The following ROBO2 variants were observed in gnomAD, a reference collection of about 807,000 sequenced individuals.
ROBO2 encodes roundabout homolog 2.
A neutral mutation model predicts 160.8 loss-of-function variants in ROBO2; 53 were observed. That is an observed-to-expected ratio of 0.33 (90% CI 0.26 to 0.41). The LOEUF is 0.41. Among genes scored for constraint, ROBO2 ranks in the 10% least tolerant of loss-of-function variants. The pLI is 1.00. For missense variants in ROBO2, 1,577 were observed against 1,722.4 expected (o/e 0.92, Z 1.49); for synonymous variants, 664 against 611.7 (o/e 1.09, Z -1.26).
chr3:77,509,177 T>C (rs2089024143), intron 5 of ROBO2, among the ~76,000 whole-genome samples: 1 of 151,740 alleles, frequency 6.6e-6, no homozygotes, highest in Non-Finnish European at 1.5e-5. Flanking sequence ...GCTCCTCCGG[T>C]GCCATCTCTG....
chr3:76,371,537 G>A (rs1017440012), intron 2 of ROBO2, among the ~76,000 whole-genome samples: 1 of 151,758 alleles, frequency 6.6e-6, no homozygotes, highest in African/African-American at 2.4e-5. Flanking sequence ...TGCACATACT[G>A]TATTGACTGC....
intron 2 of ROBO2, among the ~76,000 whole-genome samples, chr3:76,890,639 T>C (rs1429570491): frequency 6.6e-6 from 1 of 152,180 alleles, no homozygotes; most frequent in East Asian, 1.9e-4. Context: ...ATCCAATAAT[T>C]TTTCTATCGT....
At chr3:76,495,554 T>A (rs1281760477) in intron 2 of ROBO2, among the ~76,000 whole-genome samples, 1 of 151,980 alleles carries the variant, frequency 6.6e-6, no homozygotes, top group East Asian at 1.9e-4. Context: ...TAGGTATTAT[T>A]TTTGTTCTGG....
chr3:76,064,616 T>A (rs2068188783), intron 2 of ROBO2, among the ~76,000 whole-genome samples: 1 of 152,202 alleles, frequency 6.6e-6, no homozygotes, highest in East Asian at 1.9e-4. Context: ...ATAATTACTT[T>A]TATTCCTTTA....
At chr3:76,371,486 G>A (rs902143448) in intron 2 of ROBO2, among the ~76,000 whole-genome samples, 1 of 151,594 alleles carries the variant, frequency 6.6e-6, no homozygotes, top group African/African-American at 2.4e-5. Flanking sequence ...AAGTGAAAGG[G>A]TATTTACAAT....
rs2058427804 is a variant in ROBO2, at chr3:77,256,541, AT to A, written c.388+158202del. On this transcript the variant is annotated intron_variant, in intron 2 of 25. Transcript: ENST00000461745. ...ATGTGAAAACTATAAACAAAAAAAA[AT>A]CTCTTTTATTCAGCAGAAACATCTT... Among the ~76,000 whole-genome samples the A allele has an allele frequency of 2.0e-5, 3 of 151,622 alleles. No homozygotes were observed. In the South Asian group the frequency reaches 6.2e-4, roughly 32 times the overall value.
intron 2 of ROBO2, among the ~76,000 whole-genome samples, chr3:77,432,153 A>G (rs908816798): frequency 2.0e-5 from 3 of 152,232 alleles, no homozygotes; most frequent in Non-Finnish European, 2.9e-5. Flanking sequence ...GTTAATAAAC[A>G]TAGTAAGAAT....
rs1705791295 is a variant in ROBO2, at chr3:76,248,683, C to G, written c.109+311081C>G. 4.0e-5 allele frequency among the ~76,000 whole-genome samples: 6 copies of G among 151,628 alleles called. No individual in the cohort carries two copies. In the South Asian group the frequency reaches 1.3e-3, roughly 32 times the overall value. On this transcript the variant is annotated intron_variant, in intron 2 of 26. Transcript: ENST00000487694. ...CTTAAAAAAAAAAAAAGAAATTCTT[C>G]CAGACTTTCATAATCTAAAATGATC...
At chr3:77,490,219 G>C (rs1161466978) in intron 4 of ROBO2, among the ~76,000 whole-genome samples, 2 of 150,408 alleles carry the variant, frequency 1.3e-5, no homozygotes, top group Non-Finnish European at 2.9e-5. Flanking sequence ...TCCTGCCTCA[G>C]CCTCCCGAGT....
intron 2 of ROBO2, among the ~76,000 whole-genome samples, chr3:77,124,097 C>G (rs1251779904): frequency 6.6e-6 from 1 of 151,690 alleles, no homozygotes; most frequent in East Asian, 1.9e-4. Flanking sequence ...ATCCCAGTGC[C>G]CAGTGTCTAG....
At chr3:76,653,158 T>A (rs925626919) in intron 2 of ROBO2, among the ~76,000 whole-genome samples, 3 of 152,026 alleles carry the variant, frequency 2.0e-5, no homozygotes, top group African/African-American at 7.2e-5. Flanking sequence ...TAGGTCAACA[T>A]TATTGTAGAA....
chr3:77,439,337 G>T (rs1330320473), intron 2 of ROBO2, among the ~76,000 whole-genome samples: 1 of 151,910 alleles, frequency 6.6e-6, no homozygotes, highest in African/African-American at 2.4e-5. Flanking sequence ...GATGATCAAG[G>T]AAATATATTT....
At chr3:77,595,532 A>T (rs1422130749) in intron 18 of ROBO2, among the ~76,000 whole-genome samples, 1 of 152,220 alleles carries the variant, frequency 6.6e-6, no homozygotes, top group East Asian at 1.9e-4. Flanking sequence ...GCTGTGAGTG[A>T]ACAATTACAC....
intron 2 of ROBO2, among the ~76,000 whole-genome samples, chr3:76,493,910 GC>G (rs375514652): frequency 2.6e-4 from 39 of 152,256 alleles, no homozygotes; most frequent in East Asian, 2.3e-3. Flanking sequence ...ACAAATGAAT[GC>G]ATCTAAAGAG....
chr3:77,493,620 C>A (rs2086414258), intron 5 of ROBO2, among the ~76,000 whole-genome samples: 1 of 152,062 alleles, frequency 6.6e-6, no homozygotes, highest in African/African-American at 2.4e-5. Flanking sequence ...CACCTCTTAT[C>A]CCCAGATACC....
chr3:76,920,833 A>G (rs1157545871), intron 2 of ROBO2, among the ~76,000 whole-genome samples: 2 of 152,266 alleles, frequency 1.3e-5, no homozygotes, highest in Admixed American at 6.5e-5. Flanking sequence ...CTTTGATTAC[A>G]AAAGTTAGAC....
intron 2 of ROBO2, among the ~76,000 whole-genome samples, chr3:76,707,026 A>T (rs567940442): frequency 1.3e-5 from 2 of 152,020 alleles, no homozygotes; most frequent in South Asian, 4.1e-4. Flanking sequence ...ACATATATAT[A>T]TATATTCTAA....
At chr3:77,606,478 C>T (rs1282179474) in intron 20 of ROBO2, among the ~76,000 whole-genome samples, 1 of 152,140 alleles carries the variant, frequency 6.6e-6, no homozygotes, top group Non-Finnish European at 1.5e-5. Flanking sequence ...ATCTTTTATT[C>T]TACCAAACAA....
At chr3:76,921,547 G>T (rs1459549159) in intron 2 of ROBO2, among the ~76,000 whole-genome samples, 3 of 152,176 alleles carry the variant, frequency 2.0e-5, no homozygotes, top group African/African-American at 7.2e-5. Context: ...GGGAGGCAGA[G>T]GTTGTAGTGT....
Sources: allele counts gnomAD v4.1 joint callset (sites outside exome capture counted in the v4.1 genomes callset), GRCh38; gene constraint gnomAD v4.1.1; transcripts MANE v1.5; gene names NCBI Gene and HGNC (gene_info 2026-07-23, HGNC 2026-07-21).